The following G3BP2 variants were observed in gnomAD, a reference collection of about 807,000 sequenced individuals.
G3BP2 encodes the protein G3BP stress granule assembly factor 2.
In G3BP2, 11 loss-of-function variants were observed where a neutral mutation model predicts 56.7. That is an observed-to-expected ratio of 0.19 (90% CI 0.12 to 0.32). G3BP2 has a LOEUF of 0.32. G3BP2 is among the 10% of genes least tolerant of loss of function. The pLI is 1.00. For missense variants in G3BP2, 340 were observed against 610.9 expected, an observed-to-expected ratio of 0.56 and a Z score of 4.67; for synonymous variants, 165 against 191.6, an observed-to-expected ratio of 0.86 and a Z score of 1.15.
intron 3 of G3BP2, among the ~76,000 whole-genome samples, chr4:75,710,043 C>G (rs997796824): frequency 4.6e-5 from 7 of 152,140 alleles, no homozygotes; most frequent in African/African-American, 1.7e-4. Context: ...TGACCACATA[C>G]TAGGTAATGT....
At chr4:75,674,720 T>TATATATATATATA (rs33996257), upstream of G3BP2, among the ~76,000 whole-genome samples, 49 of 54,552 alleles carry the variant, frequency 9.0e-4, no homozygotes, top group East Asian at 3.1e-3. Context: ...ATATATATAT[T>TATATATATATATA]TTTTTTTTTT....
chr4:75,697,009 G>C (rs1466683508), intron 3 of G3BP2, among the ~76,000 whole-genome samples: 1 of 152,036 alleles, frequency 6.6e-6, no homozygotes, highest in Non-Finnish European at 1.5e-5. Context: ...AGGCACTGTG[G>C]CTCATGCCTA....
Position 75,673,383 on chromosome 4 carries a change from G to A in G3BP2, c.-200C>T, listed in dbSNP as rs919214997. ...AACCACCTCTTCCCGGGCGCCAGGC[G>A]CTGCGACGTGCGACAAGGACCACGG... On this transcript the variant is annotated 5_prime_UTR_variant, in exon 1 of 12. Transcript: ENST00000359707. 49 of 1,232,012 alleles carry A rather than the reference G, an allele frequency of 4.0e-5. No homozygotes were observed. Among genetic ancestry groups the A allele is most frequent in the Admixed American group, 8.4e-5 (2 of 23,700 alleles). 76.3% of individuals were successfully genotyped at this position (1,232,012 alleles called of 1,614,324 possible). A position where few individuals can be genotyped will look rare whatever the true frequency, so the allele number is the denominator to read the frequency against.
intron 1 of G3BP2, among the ~76,000 whole-genome samples, chr4:75,666,206 T>C (rs1417574256): frequency 2.6e-5 from 4 of 152,140 alleles, no homozygotes; most frequent in Non-Finnish European, 5.9e-5. Context: ...CAACATACCA[T>C]CAATTTAGAA....
chr4:75,678,269 C>CCA (rs1733948857), upstream of G3BP2, among the ~76,000 whole-genome samples: 1 of 151,440 alleles, frequency 6.6e-6, no homozygotes, highest in Non-Finnish European at 1.5e-5. Flanking sequence ...GTAGCTGGGA[C>CCA]CACAGGTGTG....
At chr4:75,687,351 G>A (rs1198513736) in intron 3 of G3BP2, among the ~76,000 whole-genome samples, 1 of 152,188 alleles carries the variant, frequency 6.6e-6, no homozygotes, top group Non-Finnish European at 1.5e-5. Flanking sequence ...TGCCATCCAT[G>A]TAAGACATGA....
At chr4:75,673,178 C>G (rs1233905337) in intron 1 of G3BP2, 30 bp downstream of exon 1, 1 of 1,183,364 alleles carries the variant, frequency 8.5e-7, no homozygotes, top group Non-Finnish European at 1.0e-6. Context: ...GACCACCACA[C>G]CGACCTCCCC....
At chr4:75,715,983 A>G (rs1719912557) in intron 3 of G3BP2, among the ~76,000 whole-genome samples, 1 of 152,148 alleles carries the variant, frequency 6.6e-6, no homozygotes, top group Non-Finnish European at 1.5e-5. Flanking sequence ...AATAACCTAT[A>G]CAGACCTTAG....
chr4:75,671,900 C>G (rs1733514859), intron 1 of G3BP2, among the ~76,000 whole-genome samples: 1 of 152,188 alleles, frequency 6.6e-6, no homozygotes, highest in Non-Finnish European at 1.5e-5. Flanking sequence ...AAACTTGGTT[C>G]ACATGCCTAA....
intron 1 of G3BP2, among the ~76,000 whole-genome samples, chr4:75,723,641 G>T (rs934893911): frequency 5.3e-5 from 8 of 152,162 alleles, no homozygotes; most frequent in Non-Finnish European, 5.9e-5. Flanking sequence ...TACTGAGCAC[G>T]GCACGCACAC....
chr4:75,686,459 G>A (rs1413300797), intron 3 of G3BP2, among the ~76,000 whole-genome samples: 1 of 151,870 alleles, frequency 6.6e-6, no homozygotes, highest in Admixed American at 6.6e-5. Flanking sequence ...CACCTAAGCT[G>A]AGTCTTGAAG....
intron 3 of G3BP2, among the ~76,000 whole-genome samples, chr4:75,692,175 C>T (rs1039605352): frequency 2.0e-5 from 3 of 152,078 alleles, no homozygotes; most frequent in African/African-American, 4.8e-5. Context: ...TCTTCAGAAC[C>T]CTGTGCCTAG....
At chr4:75,648,863 C>A in intron 8 of G3BP2, 122 bp from the exon 9 acceptor site, 1 of 599,830 alleles carries the variant, frequency 1.7e-6, no homozygotes. Flanking sequence ...ATGTTTTTAA[C>A]ATAGTGTCCT....
upstream of G3BP2, chr4:75,673,634 G>A (rs747929898): frequency 9.4e-5 from 116 of 1,230,184 alleles, 1 homozygote; most frequent in Non-Finnish European, 1.1e-4. Context: ...ATAAGAGTCC[G>A]CTGATTTGAC....
intron 2 of G3BP2, among the ~76,000 whole-genome samples, chr4:75,660,096 G>A (rs78748936): frequency 0.17 from 25,648 of 152,060 alleles, 2,253 homozygotes; most frequent in South Asian, 0.34. Flanking sequence ...AAAGAAATTG[G>A]TCAAATAAGC....
At chr4:75,650,935 A>C (rs1254478177) in intron 8 of G3BP2, among the ~76,000 whole-genome samples, 1 of 152,230 alleles carries the variant, frequency 6.6e-6, no homozygotes, top group Non-Finnish European at 1.5e-5. Flanking sequence ...ATGTTCAGTA[A>C]CTATTTGTTC....
intron 9 of G3BP2, among the ~76,000 whole-genome samples, chr4:75,647,700 A>C (rs1442278240): frequency 6.6e-6 from 1 of 152,208 alleles, no homozygotes; most frequent in African/African-American, 2.4e-5. Context: ...ATACAAGAAT[A>C]ATTTGTGTAA....
In G3BP2 at chr4:75,655,830, T is replaced by G; in HGVS notation, c.483A>C (p.Gln161His). 1 of 1,599,842 alleles carries G rather than the reference T, an allele frequency of 6.3e-7. No individual in the cohort carries two copies. Among genetic ancestry groups the G allele is most frequent in the East Asian group, 2.2e-5 (1 of 44,768 alleles). The change falls in exon 6 of 12, where the codon CAA becomes CAC. Residue 161 changes from glutamine to histidine, a missense_variant. Physicochemically the swap from Gln to His is conservative, Grantham distance 24. Coordinates refer to ENST00000359707, the MANE Select transcript of G3BP2 (RefSeq NM_203505.3). ...DEVEEEQEERQPSPEPVQENA... is the reference protein window; with the variant it reads ...DEVEEEQEERHPSPEPVQENA... Reference sequence around the variant, plus strand: ...TTTCTTGCACAGGTTCAGGAGATGGTTGTCTTTCTTCTTGTTCCTCTTCTA... The same window carrying G: ...TTTCTTGCACAGGTTCAGGAGATGGGTGTCTTTCTTCTTGTTCCTCTTCTA...
rs992752460 is a variant in G3BP2 at position 75,643,803 on chromosome 4, C to T, written c.*1627G>A. The T allele has an allele frequency of 3.9e-5, 6 of 152,578 alleles. No individual in the cohort carries two copies. Among genetic ancestry groups the T allele is most frequent in the Non-Finnish European group, 7.3e-5 (5 of 68,030 alleles). The allele number at this position is 152,578 out of a possible 1,614,324, so 9.5% of individuals were successfully genotyped here. A position where few individuals can be genotyped will look rare whatever the true frequency, so the allele number is the denominator to read the frequency against. On this transcript the variant is annotated 3_prime_UTR_variant, in exon 12 of 12. Transcript: ENST00000359707. ...CTTTAAGTGGTCACACTTATTTACC[C>T]CACTCCTGCCTGAAACATCAGAAAC...
Sources: allele counts gnomAD v4.1 joint callset (sites outside exome capture counted in the v4.1 genomes callset), GRCh38; gene constraint gnomAD v4.1.1; transcripts MANE v1.5; gene names NCBI Gene and HGNC (gene_info 2026-07-23, HGNC 2026-07-21).